OSBP2: variants seen among roughly 807,000 people sequenced by gnomAD.
The protein encoded by OSBP2 is oxysterol binding protein 2.
A neutral mutation model predicts 96.0 loss-of-function variants in OSBP2; 66 were observed. The observed-to-expected ratio is 0.69, with a 90% CI of 0.56 to 0.84. OSBP2 has a LOEUF of 0.84. Among genes scored for constraint, OSBP2 ranks in the 40% least tolerant of loss-of-function variants. The probability of loss-of-function intolerance (pLI) is 0.00; values close to 1 mark genes in which losing one functional copy is unlikely to be tolerated. For missense variants in OSBP2, 1,038 were observed against 1,222.7 expected, an observed-to-expected ratio of 0.85 and a Z score of 2.25; for synonymous variants, 525 against 520.9, an observed-to-expected ratio of 1.01 and a Z score of -0.11.
At chr22:30,867,356 C>G (rs1338522815) in intron 2 of OSBP2, among the ~76,000 whole-genome samples, 1 of 152,208 alleles carries the variant, frequency 6.6e-6, no homozygotes, top group Non-Finnish European at 1.5e-5. Flanking sequence ...TCCTCTGTGT[C>G]TCACCCCTAC....
At chr22:30,887,730 G>A (rs1292373028) in intron 4 of OSBP2, 112 bp downstream of exon 4, 8 of 930,280 alleles carry the variant, frequency 8.6e-6, no homozygotes, top group East Asian at 8.0e-5. Context: ...CATGTGGGCT[G>A]GCCTTGGCCA....
At chr22:30,716,898 A>C (rs940272197) in intron 1 of OSBP2, among the ~76,000 whole-genome samples, 10 of 152,032 alleles carry the variant, frequency 6.6e-5, no homozygotes, top group African/African-American at 2.4e-4. Context: ...TCCTTCAAGG[A>C]ACTTAAGTTG....
chr22:30,730,774 C>CTCTATATATATA (rs1569100458), intron 1 of OSBP2, among the ~76,000 whole-genome samples: 2 of 13,840 alleles, frequency 1.4e-4, no homozygotes, highest in Non-Finnish European at 2.7e-4. Context: ...CTCTCTCTCT[C>CTCTATATATATA]TATATATATA....
intron 2 of OSBP2, among the ~76,000 whole-genome samples, chr22:30,854,208 C>T (rs2039033873): frequency 6.6e-6 from 1 of 152,086 alleles, no homozygotes; most frequent in South Asian, 2.1e-4. Context: ...TCCTGTTTTG[C>T]TGTGTCATTG....
chr22:30,741,010 A>G, intron 1 of OSBP2, 151 bp from the exon 2 acceptor site: 1 of 642,132 alleles, frequency 1.6e-6, no homozygotes, highest in Non-Finnish European at 2.7e-6. Context: ...ACGACCAGGC[A>G]GTTCCAATAG....
rs980874600 is a variant in OSBP2, at chr22:30,829,766, A to G, written c.854-40663A>G. On this transcript the variant is annotated intron_variant, in intron 2 of 13. Transcript: ENST00000332585. The stretch of plus-strand genomic sequence containing the variant: ...GAATGGCACTTCCTAGGGCTGTGCA[A>G]TGTACAACCTGCTCAACCATATGCA... Among the ~76,000 whole-genome samples, 37 of 152,240 alleles carry G rather than the reference A, an allele frequency of 2.4e-4. 2 individuals are homozygous for G. The highest frequency in any genetic ancestry group is 4.4e-5 in the Non-Finnish European group (3 of 68,036).
chr22:30,705,493 A>G (rs931009613), intron 1 of OSBP2, among the ~76,000 whole-genome samples: 1 of 151,948 alleles, frequency 6.6e-6, no homozygotes, highest in Non-Finnish European at 1.5e-5. Context: ...GGGTTTCTCC[A>G]TGTTGGTCAG....
intron 2 of OSBP2, among the ~76,000 whole-genome samples, chr22:30,804,780 C>T (rs1428263379): frequency 2.0e-5 from 3 of 152,058 alleles, no homozygotes; most frequent in Admixed American, 6.6e-5. Flanking sequence ...GATGAATGAA[C>T]GTCTTTAGAG....
chr22:30,778,752 A>G (rs1348334714), intron 2 of OSBP2, among the ~76,000 whole-genome samples: 1 of 152,056 alleles, frequency 6.6e-6, no homozygotes, highest in Non-Finnish European at 1.5e-5. Flanking sequence ...AAACTGATTT[A>G]TGGCCGGGCA....
chr22:30,727,427 T>A (rs904019548), intron 1 of OSBP2, among the ~76,000 whole-genome samples: 1 of 152,128 alleles, frequency 6.6e-6, no homozygotes, highest in Non-Finnish European at 1.5e-5. Context: ...AAAGCTCATA[T>A]ATATGCAGAA....
At chr22:30,778,439 T>C (rs1055014253) in intron 2 of OSBP2, among the ~76,000 whole-genome samples, 2 of 152,104 alleles carry the variant, frequency 1.3e-5, no homozygotes, top group East Asian at 1.9e-4. Flanking sequence ...CTGCTTTTGC[T>C]TCTGCTCTGT....
At chr22:30,902,192 T>C in intron 12 of OSBP2, 6 of 1,034,114 alleles carry the variant, frequency 5.8e-6, no homozygotes, top group South Asian at 1.6e-5. Flanking sequence ...ATGGTTCCCG[T>C]AGCCAGAAGG....
chr22:30,743,607 C>A (rs1178533395), intron 2 of OSBP2, among the ~76,000 whole-genome samples: 1 of 152,130 alleles, frequency 6.6e-6, no homozygotes, highest in Non-Finnish European at 1.5e-5. Context: ...CAGCTGGGCT[C>A]AGGGCACTCA....
At chr22:30,746,238 G>A (rs898682394) in intron 2 of OSBP2, among the ~76,000 whole-genome samples, 2 of 152,018 alleles carry the variant, frequency 1.3e-5, no homozygotes, top group Non-Finnish European at 2.9e-5. Flanking sequence ...GGGCAACATA[G>A]TGAGACCCTT....
intron 2 of OSBP2, among the ~76,000 whole-genome samples, chr22:30,747,307 G>C (rs1646180568): frequency 1.3e-5 from 2 of 152,084 alleles, no homozygotes. Context: ...TGCACATTAT[G>C]AATGTACTAA....
intron 1 of OSBP2, among the ~76,000 whole-genome samples, chr22:30,719,218 A>G (rs1027460863): frequency 1.3e-5 from 2 of 151,522 alleles, no homozygotes; most frequent in African/African-American, 4.9e-5. Flanking sequence ...TTTCAGCCTT[A>G]GTTTGTGCTC....
In OSBP2 at chr22:30,890,333, C is replaced by T. The variant is rs62238089; in HGVS notation, c.1624-395C>T. Reference sequence around the variant, plus strand: ...TCCTGTGCCGGGCCCCATCACAGCTCGCAACATGGGGAAGACCCACTTCCT... The same window carrying T: ...TCCTGTGCCGGGCCCCATCACAGCTTGCAACATGGGGAAGACCCACTTCCT... On this transcript the variant is annotated intron_variant, in intron 7 of 13. Transcript: ENST00000332585. This position sits in a 1 kb window ranked among gnomAD's most constrained non-coding sequence, Gnocchi z 4.4. Among the ~76,000 whole-genome samples the T allele has an allele frequency of 0.049, 7,484 of 152,002 alleles. 256 individuals carry two copies. The highest frequency in any genetic ancestry group is 0.12 in the East Asian group (604 of 5,150).
At chr22:30,875,486 C>T (rs2039559967) in intron 3 of OSBP2, among the ~76,000 whole-genome samples, 1 of 152,076 alleles carries the variant, frequency 6.6e-6, no homozygotes, top group Admixed American at 6.6e-5. Context: ...TATTCTCTTG[C>T]CTCAGCCTCC....
At position 30,791,321 on chromosome 22, in the gene OSBP2, C is replaced by CTT. The variant is rs869143598; in HGVS notation, c.853+49976_853+49977dup. Among the ~76,000 whole-genome samples, 418 of 63,974 alleles carry CTT rather than the reference C, an allele frequency of 6.5e-3. 1 individual carries two copies. The highest frequency in any genetic ancestry group is 0.019 in the Middle Eastern group (1 of 54). 42.0% of individuals were successfully genotyped at this position (63,974 alleles called of 152,430 possible). ...GGAGCTTATATATTGGGGGATTCTT[C>CTT]TTTTTTTTTTTTTTTTTTTTTTTTT... is the stretch of plus-strand genomic sequence containing the variant. On this transcript the variant is annotated intron_variant, in intron 2 of 13. Transcript: ENST00000332585.
Sources: allele counts gnomAD v4.1 joint callset (sites outside exome capture counted in the v4.1 genomes callset), GRCh38; gene constraint gnomAD v4.1.1; non-coding constraint Gnocchi (gnomAD v3.1); transcripts MANE v1.5; gene names NCBI Gene and HGNC (gene_info 2026-07-23, HGNC 2026-07-21).